TSBP1: variants seen among roughly 807,000 people sequenced by gnomAD.
The protein encoded by TSBP1 is testis-expressed basic protein 1.
TSBP1 carries 56 observed loss-of-function variants against 68.8 expected under a neutral mutation model. The observed-to-expected ratio is 0.81, with a 90% confidence interval of 0.66 to 1.02. TSBP1 has a LOEUF of 1.02. Among genes scored for constraint, TSBP1 ranks in the 50% least tolerant of loss-of-function variants. The pLI is 0.00. For synonymous variants in TSBP1, 171 were observed against 208.7 expected (o/e 0.82, Z 1.56); for missense variants, 502 against 641.2 (o/e 0.78, Z 2.34).
intron 8 of TSBP1, among the ~76,000 whole-genome samples, chr6:32,354,196 A>C (rs1264979013): frequency 2.6e-5 from 4 of 151,974 alleles, no homozygotes; most frequent in African/African-American, 9.6e-5. Flanking sequence ...TATTTAACAT[A>C]ACATATAAAA....
At chr6:32,310,761 A>ATATATATATATATATATATATTTTT in intron 19 of TSBP1, among the ~76,000 whole-genome samples, 2 of 144,834 alleles carry the variant, frequency 1.4e-5, no homozygotes, top group East Asian at 4.0e-4. Context: ...ATATATATAT[A>ATATATATATATATATATATATTTTT]TTTTTAATCT....
At position 32,343,891 on chromosome 6, in the gene TSBP1, A is replaced by C. The variant is rs1228308065; in HGVS notation, c.350-4253T>G. ...AATGTTTCTCTTGTAAAATAACCTA[A>C]ATTCTAGGGCAAGACTTGTAGAAGG... On this transcript the variant is annotated intron_variant, in intron 9 of 22. Transcript: ENST00000612031. This position sits in a 1 kb window ranked among gnomAD's most constrained non-coding sequence, Gnocchi z 4.3. Among the ~76,000 whole-genome samples, 1 of 152,040 alleles carries C rather than the reference A, an allele frequency of 6.6e-6. No individual in the cohort carries two copies. Among genetic ancestry groups the C allele is most frequent in the Non-Finnish European group, 1.5e-5 (1 of 68,002 alleles).
intron 9 of TSBP1, among the ~76,000 whole-genome samples, chr6:32,347,806 C>T (rs1005457229): frequency 6.6e-6 from 1 of 152,190 alleles, no homozygotes; most frequent in African/African-American, 2.4e-5. Flanking sequence ...TGCTACTCTT[C>T]TTCCCCTCTC....
At chr6:32,301,449 A>G (rs1723501042) in intron 20 of TSBP1, among the ~76,000 whole-genome samples, 1 of 152,020 alleles carries the variant, frequency 6.6e-6, no homozygotes, top group Non-Finnish European at 1.5e-5. Flanking sequence ...GCCGTGGCTC[A>G]TGCCTGTAAT....
intron 16 of TSBP1, chr6:32,323,898 G>A: frequency 2.2e-6 from 1 of 448,686 alleles, no homozygotes; most frequent in Non-Finnish European, 4.0e-6. Flanking sequence ...ATCCTACGGT[G>A]GTGAAAACAT....
intron 3 of TSBP1, 47 bp from the exon 4 acceptor site, chr6:32,368,004 T>C: frequency 7.9e-7 from 1 of 1,272,286 alleles, no homozygotes; most frequent in Non-Finnish European, 1.1e-6. Context: ...GATTATTAAA[T>C]GAGGCTTTAT....
In TSBP1 at chr6:32,325,572, A is replaced by G; in HGVS notation, c.515-1958T>C. Reference sequence around the variant, plus strand: ...TGGCATTAAAGAAGACACTGAAGAAATCACCTAAGAAATTATTTTGAGTAG... The same window carrying G: ...TGGCATTAAAGAAGACACTGAAGAAGTCACCTAAGAAATTATTTTGAGTAG... On this transcript the variant is annotated intron_variant, in intron 16 of 22. Coordinates refer to ENST00000612031, the Ensembl canonical transcript of TSBP1. This position sits in a 1 kb window ranked among gnomAD's most constrained non-coding sequence, Gnocchi z 4.4. 2.3e-6 allele frequency: 2 copies of G among 879,646 alleles called. No homozygotes were observed. Among genetic ancestry groups the G allele is most frequent in the Non-Finnish European group, 3.8e-6 (2 of 525,968 alleles). The allele number at this position is 879,646 out of a possible 1,614,324, so 54.5% of individuals were successfully genotyped here. A position where few individuals can be genotyped will look rare whatever the true frequency, so the allele number is the denominator to read the frequency against.
rs769604320 is a variant in TSBP1, at chr6:32,323,155, T to C, written c.539-18A>G. The stretch of plus-strand genomic sequence containing the variant: ...GGGTGGACCTAAAAACCAAAGTAGA[T>C]ATTGGTGAAGATTTCTTTGAAAGAA... On this transcript the variant is annotated intron_variant, in intron 17 of 22. Coordinates refer to ENST00000612031, the Ensembl canonical transcript of TSBP1. 2.0e-5 allele frequency: 30 copies of C among 1,512,602 alleles called. No homozygotes were observed. Among genetic ancestry groups the C allele is most frequent in the Non-Finnish European group, 2.6e-5 (28 of 1,092,838 alleles). The allele number at this position is 1,512,602 out of a possible 1,614,324, so 93.7% of individuals were successfully genotyped here. A position where few individuals can be genotyped will look rare whatever the true frequency, so the allele number is the denominator to read the frequency against.
chr6:32,311,651 G>A (rs1312124280), intron 19 of TSBP1, among the ~76,000 whole-genome samples: 1 of 152,146 alleles, frequency 6.6e-6, no homozygotes. Context: ...ACTGTAAAGG[G>A]CAGGAGATTT....
intron 9 of TSBP1, among the ~76,000 whole-genome samples, chr6:32,348,957 C>T (rs938373644): frequency 3.9e-5 from 6 of 152,030 alleles, no homozygotes; most frequent in Non-Finnish European, 4.4e-5. Flanking sequence ...ATTCTTTAAT[C>T]GGTGGACTTC....
At position 32,332,059 on chromosome 6, in the gene TSBP1, A is replaced by T. The variant is rs772550025; in HGVS notation, c.473-5T>A. On this transcript the variant is annotated splice_polypyrimidine_tract_variant and splice_region_variant and intron_variant, in intron 14 of 22. Transcript: ENST00000612031. ...CAATAGGTCCTGGAGTTTGCACTAA[A>T]AAGAAATTCAAATTGGCATATTAGT... 1.3e-6 allele frequency: 2 copies of T among 1,593,740 alleles called. No homozygotes were observed. Among genetic ancestry groups the T allele is most frequent in the South Asian group, 2.2e-5 (2 of 90,650 alleles).
At chr6:32,323,220 A>G in intron 17 of TSBP1, 83 bp from the exon 19 acceptor site, 1 of 848,568 alleles carries the variant, frequency 1.2e-6, no homozygotes, top group South Asian at 1.5e-5. Context: ...TGTAGGGGAG[A>G]AACTTGGACA....
intron 2 of TSBP1, among the ~76,000 whole-genome samples, chr6:32,369,569 C>T (rs1169964445): frequency 2.0e-5 from 3 of 152,126 alleles, no homozygotes; most frequent in Non-Finnish European, 4.4e-5. Flanking sequence ...CAGGGTTTCA[C>T]CATTTTGGTC....
At chr6:32,345,782 G>GTCC (rs1216248872) in intron 9 of TSBP1, among the ~76,000 whole-genome samples, 1 of 152,106 alleles carries the variant, frequency 6.6e-6, no homozygotes, top group Non-Finnish European at 1.5e-5. Context: ...GTCCTTTGAG[G>GTCC]TCCTGGTTTG....
chr6:32,300,633 G>A lies in TSBP1; in HGVS notation c.622+47C>T, dbSNP rs756112032. The A allele has an allele frequency of 1.9e-6, 3 of 1,584,458 alleles. No individual in the cohort carries two copies. The South Asian group carries it at 3.3e-5, about 18-fold the overall frequency. ...AACATTTGGGAAAAAGAACTTAAAGGTCCTAGGCACAGAAATAGGTAAGGC... is the reference window on the plus strand; with the variant it reads ...AACATTTGGGAAAAAGAACTTAAAGATCCTAGGCACAGAAATAGGTAAGGC... On this transcript the variant is annotated intron_variant, in intron 21 of 22. Transcript: ENST00000612031.
chr6:32,328,101 G>A (rs9268251), intron 16 of TSBP1, among the ~76,000 whole-genome samples: 33,370 of 151,476 alleles, frequency 0.22, 3,989 homozygotes, highest in African/African-American at 0.28. Flanking sequence ...CCAGTGCGCC[G>A]GGCCTAATTT....
intron 17 of TSBP1, 56 bp from the exon 19 acceptor site, chr6:32,323,193 C>G (rs1369179211): frequency 8.4e-7 from 1 of 1,195,656 alleles, no homozygotes; most frequent in Non-Finnish European, 1.2e-6. Context: ...AAGGTTCCCT[C>G]TAGGGAGGTA....
chr6:32,331,991 T>C lies in TSBP1; in HGVS notation c.493+43A>G, dbSNP rs758344920. 2 of 1,466,504 alleles carry C rather than the reference T, an allele frequency of 1.4e-6. 1 individual carries two copies. The highest frequency in any genetic ancestry group is 2.3e-5 in the South Asian group (2 of 87,788). 90.8% of individuals were successfully genotyped at this position (1,466,504 alleles called of 1,614,324 possible). A position where few individuals can be genotyped will look rare whatever the true frequency, so the allele number is the denominator to read the frequency against. On this transcript the variant is annotated intron_variant, in intron 15 of 22. Coordinates refer to ENST00000612031, the Ensembl canonical transcript of TSBP1. ...TGGAGCCAGTCTCCTTCAGACATAG[T>C]AAGAAGCCAGTAGAGATAAGTTGAT... is the stretch of plus-strand genomic sequence containing the variant.
chr6:32,329,347 A>T (rs9394086), intron 16 of TSBP1, among the ~76,000 whole-genome samples: 51,138 of 152,002 alleles, frequency 0.34, 9,665 homozygotes, highest in Middle Eastern at 0.52. Flanking sequence ...CCCCAGTGAG[A>T]TCCTCTGAGG....
Sources: gnomAD v4.1 joint callset for allele counts (sites outside exome capture counted in the v4.1 genomes callset) on GRCh38, gnomAD v4.1.1 for gene constraint, Gnocchi (gnomAD v3.1) non-coding constraint, MANE v1.5 for transcripts, NCBI Gene and HGNC (gene_info 2026-07-23, HGNC 2026-07-21) for gene names.